The following BID variants were observed in gnomAD, a reference collection of about 807,000 sequenced individuals.
BID encodes the protein BH3-interacting domain death agonist.
BID carries 19 observed loss-of-function variants against 17.4 expected under a neutral mutation model. The ratio of observed to expected loss-of-function variants is 1.09; its 90% CI spans 0.76 to 1.60. The LOEUF (loss-of-function observed/expected upper bound fraction) is 1.60, where lower values mean the gene tolerates loss of function less well. Ranked by LOEUF, BID falls within the 40% of genes most tolerant of loss-of-function variation. The pLI is 0.00. For synonymous variants in BID, 108 were observed against 102.8 expected (o/e 1.05, Z -0.31); for missense variants, 226 against 256.0 (o/e 0.88, Z 0.80).
rs367849315 is a variant in BID at position 17,750,198 on chromosome 22, G to A, written c.-58-24C>T. Reference sequence around the variant, plus strand: ...ACCTGGAAAGGGACACACAGAGTGGGCGGCCGCTCCTGGGAAGCCCTGGTC... The same window carrying A: ...ACCTGGAAAGGGACACACAGAGTGGACGGCCGCTCCTGGGAAGCCCTGGTC... On this transcript the variant is annotated intron_variant, in intron 1 of 5. Transcript: ENST00000622694. 7 of 1,600,778 alleles carry A rather than the reference G, an allele frequency of 4.4e-6. No individual in the cohort carries two copies. In the African/African-American group the frequency reaches 5.4e-5, roughly 12 times the overall value.
chr22:17,772,573 G>A (rs968503202), intron 1 of BID, among the ~76,000 whole-genome samples: 1 of 152,196 alleles, frequency 6.6e-6, no homozygotes, highest in Non-Finnish European at 1.5e-5. Flanking sequence ...ACTTGGCACC[G>A]GAGAGAGGAT....
At chr22:17,742,671 G>A (rs1305025793) in intron 3 of BID, among the ~76,000 whole-genome samples, 1 of 152,182 alleles carries the variant, frequency 6.6e-6, no homozygotes, top group African/African-American at 2.4e-5. Context: ...TTTCAGGGCA[G>A]GGATTCTACC....
chr22:17,743,543 C>A (rs2061474813), intron 3 of BID, among the ~76,000 whole-genome samples: 1 of 152,218 alleles, frequency 6.6e-6, no homozygotes, highest in Non-Finnish European at 1.5e-5. Context: ...GGACTCAAGA[C>A]CAGTACATGA....
intron 1 of BID, among the ~76,000 whole-genome samples, chr22:17,757,894 G>A (rs1178923948): frequency 1.3e-5 from 2 of 152,264 alleles, no homozygotes; most frequent in East Asian, 3.9e-4. Flanking sequence ...CCATCGATCC[G>A]TTACGTGCAC....
intron 3 of BID, among the ~76,000 whole-genome samples, chr22:17,741,473 TTTTTTTC>T (rs2061458994): frequency 6.6e-6 from 1 of 150,642 alleles, no homozygotes; most frequent in Non-Finnish European, 1.5e-5. Context: ...CTGTAGCTTT[TTTTTTTC>T]TTTTTTTTTT....
intron 2 of BID, among the ~76,000 whole-genome samples, chr22:17,749,696 G>A (rs1759420020): frequency 6.6e-6 from 1 of 152,144 alleles, no homozygotes; most frequent in South Asian, 2.1e-4. Context: ...GTGTTTGTTT[G>A]GACAGGGCTG....
At chr22:17,751,768 C>T (rs895744978) in intron 1 of BID, among the ~76,000 whole-genome samples, 16 of 152,182 alleles carry the variant, frequency 1.1e-4, no homozygotes, top group Non-Finnish European at 1.3e-4. Flanking sequence ...TGTGTGTGGC[C>T]GTGCATTTCA....
intron 1 of BID, among the ~76,000 whole-genome samples, chr22:17,766,425 G>A (rs1243101452): frequency 2.0e-5 from 3 of 151,678 alleles, no homozygotes; most frequent in Non-Finnish European, 4.4e-5. Flanking sequence ...GGAATTACAG[G>A]CATGCACCAC....
At chr22:17,752,188 TGA>T (rs2061544668) in intron 1 of BID, among the ~76,000 whole-genome samples, 1 of 152,150 alleles carries the variant, frequency 6.6e-6, no homozygotes, top group Admixed American at 6.5e-5. Flanking sequence ...GGCACTGTGG[TGA>T]GTCTCCCACC....
Position 17,739,365 on chromosome 22 carries a change from G to T in BID, c.347C>A (p.Thr116Asn). ...VNGLALQLRN[T>N]SRSEEDRNRD... ...CTCACTCACCTCCTCCGACCGGCTG[G>T]TGTTCCTGAGCTGCAGGGCCAGGCC... Residue 116 changes from threonine (T) to asparagine (N), a missense_variant, in exon 4 of 6, where the codon ACC becomes AAC. Thr to Asn is a moderately conservative substitution (Grantham distance 65). Transcript: ENST00000622694. 6.3e-7 allele frequency: 1 copy of T among 1,599,082 alleles called. No homozygotes were observed. Among genetic ancestry groups the T allele is most frequent in the Non-Finnish European group, 8.5e-7 (1 of 1,174,766 alleles).
In BID at chr22:17,735,488, G is replaced by T; in HGVS notation, c.*92C>A. On this transcript the variant is annotated 3_prime_UTR_variant, in exon 6 of 6. Coordinates refer to ENST00000622694, the MANE Select transcript of BID (RefSeq NM_001196.4). ...CCAGCCTGTCTTCTCTAGGAACGCT[G>T]TTGACATGCCAGGGCTCCGTCTACA... 1.3e-6 allele frequency: 2 copies of T among 1,492,654 alleles called. No individual in the cohort carries two copies. Among genetic ancestry groups the T allele is most frequent in the African/African-American group, 1.4e-5 (1 of 72,400 alleles). 92.5% of individuals were successfully genotyped at this position (1,492,654 alleles called of 1,614,324 possible). A position where few individuals can be genotyped will look rare whatever the true frequency, so the allele number is the denominator to read the frequency against.
In BID at chr22:17,773,633, G is replaced by A; in HGVS notation, c.-59+748C>T. ...ACAGAATCCGCACTGTGCTCCTCCA[G>A]CCGGCCCGGCCCCTCGCTGCCCACC... On this transcript the variant is annotated intron_variant, in intron 1 of 5. Transcript: ENST00000622694. The surrounding 1 kb of genome is among the most constrained non-coding windows in gnomAD (Gnocchi z 4.4). The A allele has an allele frequency of 6.2e-7, 1 of 1,612,322 alleles. No homozygotes were observed. Among genetic ancestry groups the A allele is most frequent in the Non-Finnish European group, 8.5e-7 (1 of 1,179,970 alleles).
At chr22:17,735,907 T>A (rs1273198902) in intron 5 of BID, among the ~76,000 whole-genome samples, 2 of 152,158 alleles carry the variant, frequency 1.3e-5, no homozygotes, top group African/African-American at 4.8e-5. Flanking sequence ...GCTGCACACG[T>A]CTTGCCCACC....
intron 1 of BID, among the ~76,000 whole-genome samples, chr22:17,751,136 G>A (rs2061535413): frequency 6.6e-6 from 1 of 152,082 alleles, no homozygotes; most frequent in Non-Finnish European, 1.5e-5. Flanking sequence ...ACTTTGGGAG[G>A]CCGAGGCGGG....
chr22:17,747,479 CCTGG>C (rs1415701856), intron 2 of BID, among the ~76,000 whole-genome samples: 1 of 151,986 alleles, frequency 6.6e-6, no homozygotes, highest in Non-Finnish European at 1.5e-5. Flanking sequence ...TGCCACCACG[CCTGG>C]CTAATTTTTG....
At position 17,739,376 on chromosome 22, in the gene BID, C is replaced by A; in HGVS notation, c.336G>T (p.Gln112His). 1 of 1,603,138 alleles carries A rather than the reference C, an allele frequency of 6.2e-7. No individual in the cohort carries two copies. Among genetic ancestry groups the A allele is most frequent in the Non-Finnish European group, 8.5e-7 (1 of 1,176,488 alleles). ...PPGLVNGLAL[Q>H]LRNTSRSEED... is the part of the protein sequence containing the mutation. ...CCTCCGACCGGCTGGTGTTCCTGAG[C>A]TGCAGGGCCAGGCCGTTCACCAGGC... is the stretch of plus-strand genomic sequence containing the variant. The change falls in exon 4 of 6, where the codon CAG (glutamine) becomes CAT (histidine). Residue 112 changes from glutamine to histidine, a missense_variant. Gln to His is a conservative substitution (Grantham distance 24). Coordinates refer to ENST00000622694, the MANE Select transcript of BID (RefSeq NM_001196.4).
chr22:17,739,658 A>T, intron 3 of BID, 170 bp from the exon 4 acceptor site: 1 of 887,248 alleles, frequency 1.1e-6, no homozygotes, highest in Non-Finnish European at 1.7e-6. Context: ...GCTGAGTACC[A>T]GCGCTGAGCT....
Position 17,757,685 on chromosome 22 carries a change from C to T in BID, c.-58-7511G>A, listed in dbSNP as rs575458728. On this transcript the variant is annotated intron_variant, in intron 1 of 5. Transcript: ENST00000622694. Reference sequence around the variant, plus strand: ...GATAGCGCCACTGTACTCCAGCCTGCGCGACAGAGCGAGACTCCGTCTCAA... The same window carrying T: ...GATAGCGCCACTGTACTCCAGCCTGTGCGACAGAGCGAGACTCCGTCTCAA... Among the ~76,000 whole-genome samples, 84 of 143,118 alleles carry T rather than the reference C, an allele frequency of 5.9e-4. 1 individual carries two copies. Among genetic ancestry groups the T allele is most frequent in the African/African-American group, 2.1e-3 (79 of 36,746 alleles). 93.9% of individuals were successfully genotyped at this position (143,118 alleles called of 152,430 possible). A position where few individuals can be genotyped will look rare whatever the true frequency, so the allele number is the denominator to read the frequency against.
rs1303863219 is a variant in BID at position 17,750,153 on chromosome 22, T to C, written c.-37A>G. The C allele has an allele frequency of 8.1e-6, 13 of 1,613,104 alleles. No homozygotes were observed. In the Middle Eastern group the frequency reaches 6.6e-4, roughly 82 times the overall value. On this transcript the variant is annotated 5_prime_UTR_variant, in exon 2 of 6. Transcript: ENST00000622694. The stretch of plus-strand genomic sequence containing the variant: ...CGCGGCAGCTCCGACTCACTCCTGG[T>C]TCACAGTGTCCCAGTGGCGACCTGG...
Sources: gnomAD v4.1 joint callset for allele counts (sites outside exome capture counted in the v4.1 genomes callset) on GRCh38, gnomAD v4.1.1 for gene constraint, Gnocchi (gnomAD v3.1) non-coding constraint, MANE v1.5 for transcripts, NCBI Gene and HGNC (gene_info 2026-07-23, HGNC 2026-07-21) for gene names.